The following PPAT variants were observed in gnomAD, a reference collection of about 807,000 sequenced individuals.
The protein encoded by PPAT is amidophosphoribosyltransferase.
A neutral mutation model predicts 60.2 loss-of-function variants in PPAT; 20 were observed. The ratio of observed to expected loss-of-function variants is 0.33; its 90% confidence interval spans 0.23 to 0.48. The LOEUF (loss-of-function observed/expected upper bound fraction) is 0.48, where lower values mean the gene tolerates loss of function less well. Among genes scored for constraint, PPAT ranks in the 20% least tolerant of loss-of-function variants. The pLI is 0.99. For missense variants in PPAT, 349 were observed against 629.6 expected, an observed-to-expected ratio of 0.55 and a Z score of 4.77; for synonymous variants, 194 against 215.1, an observed-to-expected ratio of 0.90 and a Z score of 0.86.
intron 1 of PPAT, among the ~76,000 whole-genome samples, chr4:56,415,286 C>T (rs1716668004): frequency 6.6e-6 from 1 of 152,140 alleles, no homozygotes; most frequent in Non-Finnish European, 1.5e-5. Context: ...TTACAAAGAG[C>T]AATCAAAAGA....
In PPAT at chr4:56,403,058, A is replaced by G. The variant is rs1224197894; in HGVS notation, c.643T>C (p.Ser215Pro). 1.2e-6 allele frequency: 2 copies of G among 1,607,814 alleles called. No homozygotes were observed. Among genetic ancestry groups the G allele is most frequent in the Non-Finnish European group, 1.7e-6 (2 of 1,177,660 alleles). The change falls in exon 5 of 11, where the codon TCT (serine) becomes CCT (proline). Residue 215 changes from serine to proline, a missense_variant. Around this residue, in one of 5 missense-constraint regions of PPAT, gnomAD observed 63 missense variants for 86.9 expected, o/e 0.73. Coordinates refer to ENST00000264220, the MANE Select transcript of PPAT (RefSeq NM_002703.5). ...TTATTACCTTTGTCATTTATATCAG[A>G]CACTGGAATAAGACGACCAATGCAT... is the stretch of plus-strand genomic sequence containing the variant. ...PLCIGRLIPVSDINDKEKKTS... is the reference protein window; with the variant it reads ...PLCIGRLIPVPDINDKEKKTS...
intron 1 of PPAT, among the ~76,000 whole-genome samples, chr4:56,429,175 G>C (rs1474650808): frequency 6.6e-6 from 1 of 152,190 alleles, no homozygotes; most frequent in Admixed American, 6.5e-5. Flanking sequence ...ATAGCTCACT[G>C]AGTGAAAGTT....
intron 5 of PPAT, among the ~76,000 whole-genome samples, chr4:56,402,403 T>A (rs935448884): frequency 6.6e-6 from 1 of 152,064 alleles, no homozygotes; most frequent in Non-Finnish European, 1.5e-5. Flanking sequence ...GAAAAAGATA[T>A]CTTGATAAAA....
At chr4:56,418,257 C>T (rs1716871728) in intron 1 of PPAT, among the ~76,000 whole-genome samples, 1 of 152,158 alleles carries the variant, frequency 6.6e-6, no homozygotes, top group Non-Finnish European at 1.5e-5. Context: ...GAGCAGTGGT[C>T]TCTCCACTAC....
Position 56,399,254 on chromosome 4 carries a change from A to G in PPAT, c.1161T>C (p.Leu387=), listed in dbSNP as rs375281372. Residue 387 remains leucine (L), a synonymous_variant, in exon 9 of 11, where the codon CTT becomes CTC. Coordinates refer to ENST00000264220, the MANE Select transcript of PPAT (RefSeq NM_002703.5). ...SDNFKGKRIV[L]VDDSIVRGNT... is the part of the protein sequence containing the mutation. ...TGCCTCTGACAATTGAATCATCTAC[A>G]AGAACAATTCTTTTGCCTTTAAAGT... 2.3e-5 allele frequency: 37 copies of G among 1,614,052 alleles called. No individual in the cohort carries two copies. In the African/African-American group the frequency reaches 4.0e-4, roughly 17 times the overall value.
intron 1 of PPAT, among the ~76,000 whole-genome samples, chr4:56,418,391 C>A (rs1248495034): frequency 6.6e-6 from 1 of 152,150 alleles, no homozygotes; most frequent in Non-Finnish European, 1.5e-5. Context: ...GTATTCTCAG[C>A]CCATTGCAAC....
intron 1 of PPAT, among the ~76,000 whole-genome samples, chr4:56,418,998 G>A (rs560784778): frequency 1.1e-4 from 16 of 152,310 alleles, no homozygotes; most frequent in Admixed American, 5.2e-4. Flanking sequence ...TTCGCAAGGC[G>A]TAAGCACTGA....
intron 3 of PPAT, among the ~76,000 whole-genome samples, chr4:56,403,800 A>C (rs1716177774): frequency 6.6e-6 from 1 of 152,160 alleles, no homozygotes; most frequent in African/African-American, 2.4e-5. Context: ...ATCATCAGGC[A>C]TTATACATTA....
intron 1 of PPAT, among the ~76,000 whole-genome samples, chr4:56,414,712 C>T (rs1159181878): frequency 6.6e-6 from 1 of 152,176 alleles, no homozygotes; most frequent in African/African-American, 2.4e-5. Flanking sequence ...GGACGTAAAT[C>T]TGGACTCTAA....
intron 1 of PPAT, among the ~76,000 whole-genome samples, chr4:56,426,320 T>C (rs1382793034): frequency 6.6e-6 from 1 of 151,952 alleles, no homozygotes; most frequent in Non-Finnish European, 1.5e-5. Flanking sequence ...GAGAATCACT[T>C]GAACCCAGGA....
chr4:56,399,505 T>A, intron 8 of PPAT, 105 bp from the exon 9 acceptor site: 1 of 922,120 alleles, frequency 1.1e-6, no homozygotes, highest in Non-Finnish European at 1.6e-6. Flanking sequence ...AATTTCAAAA[T>A]AATTTTCCTT....
At chr4:56,423,659 G>GT (rs199743305) in intron 1 of PPAT, among the ~76,000 whole-genome samples, 29,456 of 147,220 alleles carry the variant, frequency 0.2, 3,156 homozygotes, top group Admixed American at 0.33. Context: ...AAAAGTACAA[G>GT]TTTTTTTTTT....
At position 56,394,596 on chromosome 4, in the gene PPAT, A is replaced by G. The variant is rs1715916982; in HGVS notation, c.*756T>C. The G allele has an allele frequency of 6.6e-6, 1 of 152,154 alleles. No homozygotes were observed. Among genetic ancestry groups the G allele is most frequent in the Non-Finnish European group, 1.5e-5 (1 of 68,010 alleles). 9.4% of individuals were successfully genotyped at this position (152,154 alleles called of 1,614,324 possible). On this transcript the variant is annotated 3_prime_UTR_variant, in exon 11 of 11. Transcript: ENST00000264220. ...AAAAACTTTTTCACAGATTTTTACA[A>G]CCCTTTTTAGGACATCTCAAAGAGA...
At chr4:56,416,689 A>G (rs1026978220) in intron 1 of PPAT, among the ~76,000 whole-genome samples, 1 of 152,228 alleles carries the variant, frequency 6.6e-6, no homozygotes, top group African/African-American at 2.4e-5. Flanking sequence ...AAGAAATCTG[A>G]TGGCTAAACT....
At chr4:56,410,831 G>A in intron 1 of PPAT, 1 of 968,332 alleles carries the variant, frequency 1.0e-6, no homozygotes, top group Non-Finnish European at 1.2e-6. Flanking sequence ...ACAATTTACA[G>A]AGGAAGATGC....
Position 56,402,098 on chromosome 4 carries a change from G to C in PPAT, c.734+11C>G, listed in dbSNP as rs768922370. On this transcript the variant is annotated intron_variant, in intron 6 of 10. Coordinates refer to ENST00000264220, the MANE Select transcript of PPAT (RefSeq NM_002703.5). Reference sequence around the variant, plus strand: ...GGGAAAATAAAATATGTCAAACAAGGTAAAACTTACCTTGCACCAATAGAT... The same window carrying C: ...GGGAAAATAAAATATGTCAAACAAGCTAAAACTTACCTTGCACCAATAGAT... 4.4e-5 allele frequency: 68 copies of C among 1,548,272 alleles called. No homozygotes were observed. Among genetic ancestry groups the C allele is most frequent in the Non-Finnish European group, 1.5e-5 (17 of 1,136,114 alleles).
chr4:56,417,404 A>G (rs181205941), intron 1 of PPAT, among the ~76,000 whole-genome samples: 1 of 152,308 alleles, frequency 6.6e-6, no homozygotes, highest in East Asian at 1.9e-4. Context: ...GAACCTGACA[A>G]AAGTTATTAA....
chr4:56,425,969 C>T (rs1652803602), intron 1 of PPAT, among the ~76,000 whole-genome samples: 1 of 152,152 alleles, frequency 6.6e-6, no homozygotes, highest in Admixed American at 6.5e-5. Flanking sequence ...ATTCTCAAAC[C>T]TCAGCAACTT....
chr4:56,402,003 G>T, intron 6 of PPAT, 106 bp downstream of exon 6: 1 of 801,382 alleles, frequency 1.2e-6, no homozygotes. Flanking sequence ...TTTTCTTGCA[G>T]ACATCAAAAA....
Sources: allele counts gnomAD v4.1 joint callset (sites outside exome capture counted in the v4.1 genomes callset), GRCh38; gene constraint gnomAD v4.1.1; regional missense constraint gnomAD v4.1.1; transcripts MANE v1.5; gene names NCBI Gene and HGNC (gene_info 2026-07-23, HGNC 2026-07-21).